NECTIN1: variants seen among roughly 807,000 people sequenced by gnomAD.
NECTIN1 encodes nectin cell adhesion molecule 1.
Under a neutral mutation model 48.0 loss-of-function variants are expected in NECTIN1, and 23 were observed. The observed-to-expected ratio is 0.48, with a 90% CI of 0.34 to 0.68. The LOEUF (loss-of-function observed/expected upper bound fraction) is 0.68, where lower values mean the gene tolerates loss of function less well. NECTIN1 is among the 30% of genes least tolerant of loss of function. The pLI is 0.01. For missense variants in NECTIN1, 591 were observed against 709.9 expected, an observed-to-expected ratio of 0.83 and a Z score of 1.90; for synonymous variants, 270 against 288.9, an observed-to-expected ratio of 0.93 and a Z score of 0.66.
chr11:119,657,343 C>T (rs142053212), downstream of NECTIN1, among the ~76,000 whole-genome samples: 917 of 152,186 alleles, frequency 6.0e-3, 18 homozygotes, highest in Non-Finnish European at 5.0e-3. Flanking sequence ...GGGCCAGGTG[C>T]GGTGACTTAT....
Position 119,661,750 on chromosome 11 carries a change from C to T in NECTIN1, c.*2997G>A, listed in dbSNP as rs987494453. On this transcript the variant is annotated 3_prime_UTR_variant, in exon 6 of 6. Transcript: ENST00000264025. ...CTTGCAGCCCGGGCACTGGGAAATT[C>T]GTTTCTCCTTAATGGCTTTCAGCAG... 10 of 985,576 alleles carry T rather than the reference C, an allele frequency of 1.0e-5. No individual in the cohort carries two copies. In the Admixed American group the frequency reaches 1.8e-4, roughly 18 times the overall value. 61.1% of individuals were successfully genotyped at this position (985,576 alleles called of 1,614,324 possible). A position where few individuals can be genotyped will look rare whatever the true frequency, so the allele number is the denominator to read the frequency against.
chr11:119,713,360 G>A (rs994169978), intron 1 of NECTIN1, among the ~76,000 whole-genome samples: 3 of 152,072 alleles, frequency 2.0e-5, no homozygotes, highest in African/African-American at 4.8e-5. Flanking sequence ...GTTGTGGGGT[G>A]GAAGGAGAAG....
At chr11:119,658,590 C>T (rs1046682355), downstream of NECTIN1, among the ~76,000 whole-genome samples, 1 of 152,168 alleles carries the variant, frequency 6.6e-6, no homozygotes, top group African/African-American at 2.4e-5. Context: ...AACTTTCCCA[C>T]CCAATCCATG....
chr11:119,676,616 G>A (rs1048323254), intron 4 of NECTIN1, among the ~76,000 whole-genome samples: 3 of 152,248 alleles, frequency 2.0e-5, no homozygotes, highest in East Asian at 3.9e-4. Flanking sequence ...ATGGTGGGCC[G>A]CAGGGCACGT....
Position 119,638,651 on chromosome 11 carries a change from G to T in NECTIN1, c.1227+80C>A. On this transcript the variant is annotated intron_variant, in intron 7 of 7. Coordinates refer to the NECTIN1 transcript ENST00000341398. ...GCGTGGCGGCTCTGTCTTCAGCTTGGGCTCTCTCCTTGGGGCCATCTCCCA... is the reference window on the plus strand; with the variant it reads ...GCGTGGCGGCTCTGTCTTCAGCTTGTGCTCTCTCCTTGGGGCCATCTCCCA... 2.3e-6 allele frequency: 3 copies of T among 1,301,384 alleles called. No individual in the cohort carries two copies. The South Asian group carries it at 3.8e-5, about 16-fold the overall frequency. 80.6% of individuals were successfully genotyped at this position (1,301,384 alleles called of 1,614,324 possible). A position where few individuals can be genotyped will look rare whatever the true frequency, so the allele number is the denominator to read the frequency against.
intron 1 of NECTIN1, among the ~76,000 whole-genome samples, chr11:119,688,093 T>C (rs1865191138): frequency 6.6e-6 from 1 of 152,168 alleles, no homozygotes; most frequent in Non-Finnish European, 1.5e-5. Context: ...TGGGTTTGTG[T>C]CTGCTGCTTT....
intron 1 of NECTIN1, among the ~76,000 whole-genome samples, chr11:119,693,592 G>A (rs1260580934): frequency 6.6e-6 from 1 of 152,150 alleles, no homozygotes; most frequent in Non-Finnish European, 1.5e-5. Flanking sequence ...TGAAGCCCAG[G>A]AAGTGGCAGC....
intron 5 of NECTIN1, among the ~76,000 whole-genome samples, chr11:119,645,786 C>G (rs1310421037): frequency 6.6e-6 from 1 of 152,194 alleles, no homozygotes; most frequent in Non-Finnish European, 1.5e-5. Context: ...AGGGGACATA[C>G]CCCTCTCCTC....
intron 1 of NECTIN1, among the ~76,000 whole-genome samples, chr11:119,689,069 C>T (rs895078385): frequency 6.6e-6 from 1 of 152,092 alleles, no homozygotes; most frequent in South Asian, 2.1e-4. Flanking sequence ...CGTCTTCCTT[C>T]GGCTGGTAAA....
chr11:119,722,681 G>A lies in NECTIN1; in HGVS notation c.79+5794C>T, dbSNP rs140858613. ...ATTACCCACAGGCAGCCAGGCTCCCGAGTGGGGGCAGGGACTCGCTTCCCA... is the reference window on the plus strand; with the variant it reads ...ATTACCCACAGGCAGCCAGGCTCCCAAGTGGGGGCAGGGACTCGCTTCCCA... On this transcript the variant is annotated intron_variant, in intron 1 of 5. Coordinates refer to ENST00000264025, the MANE Select transcript of NECTIN1 (RefSeq NM_002855.5). Among the ~76,000 whole-genome samples the A allele has an allele frequency of 2.3e-3, 349 of 152,330 alleles. 4 individuals carry two copies. Among genetic ancestry groups the A allele is most frequent in the African/African-American group, 8.0e-3 (333 of 41,572 alleles).
intron 1 of NECTIN1, among the ~76,000 whole-genome samples, chr11:119,728,148 G>C (rs529427162): frequency 6.6e-6 from 1 of 152,250 alleles, no homozygotes; most frequent in South Asian, 2.1e-4. Flanking sequence ...GTAACACGCA[G>C]TGTTTCCAAA....
downstream of NECTIN1, among the ~76,000 whole-genome samples, chr11:119,657,262 G>A (rs148622589): frequency 8.9e-3 from 1,350 of 152,142 alleles, 16 homozygotes; most frequent in African/African-American, 0.03. Context: ...CTGACACCTG[G>A]GGCGGCCTCT....
intron 1 of NECTIN1, among the ~76,000 whole-genome samples, chr11:119,700,648 G>A (rs773961485): frequency 1.3e-5 from 2 of 152,210 alleles, no homozygotes; most frequent in Non-Finnish European, 2.9e-5. Flanking sequence ...GTAGCTCAGC[G>A]GAAATGAAAC....
At chr11:119,639,184 A>G (rs1056722673) in intron 6 of NECTIN1, among the ~76,000 whole-genome samples, 2 of 152,212 alleles carry the variant, frequency 1.3e-5, no homozygotes, top group African/African-American at 4.8e-5. Flanking sequence ...AGCCTTAGCC[A>G]GCACGGGAAA....
rs1296868929 is a variant in NECTIN1, at chr11:119,672,847, C to T, written c.1003+2312G>A. Among the ~76,000 whole-genome samples, 3 of 152,200 alleles carry T rather than the reference C, an allele frequency of 2.0e-5. 1 individual carries two copies. The highest frequency in any genetic ancestry group is 2.0e-4 in the Admixed American group (3 of 15,280). On this transcript the variant is annotated intron_variant, in intron 5 of 5. Coordinates refer to ENST00000264025, the MANE Select transcript of NECTIN1 (RefSeq NM_002855.5). This position sits in a 1 kb window ranked among gnomAD's most constrained non-coding sequence, Gnocchi z 4.3. ...GTGCTCCTTCCTCAGGGGCCCAGGT[C>T]CCCAAGAAGCCATGCCAAAGCGAGT...
chr11:119,666,156 G>A (rs371542713), intron 5 of NECTIN1, among the ~76,000 whole-genome samples: 2 of 152,226 alleles, frequency 1.3e-5, no homozygotes, highest in South Asian at 2.1e-4. Flanking sequence ...AAGCATGTGC[G>A]TGTGTGCGTG....
At chr11:119,657,005 G>A (rs1394078773), downstream of NECTIN1, among the ~76,000 whole-genome samples, 1 of 152,148 alleles carries the variant, frequency 6.6e-6, no homozygotes, top group African/African-American at 2.4e-5. Flanking sequence ...CCTGCTTCAC[G>A]AGGATTACGG....
In NECTIN1 at chr11:119,709,620, G is replaced by A. The variant is rs955821616; in HGVS notation, c.79+18855C>T. ...GGAAGCAGGGAGGGAGGGGAGCCCC[G>A]TGTGGGAAGCCTGAAAGGAGCCTGG... On this transcript the variant is annotated intron_variant, in intron 1 of 5. Transcript: ENST00000264025. This position sits in a 1 kb window ranked among gnomAD's most constrained non-coding sequence, Gnocchi z 4.1. 6.6e-6 allele frequency among the ~76,000 whole-genome samples: 1 copy of A among 152,100 alleles called. No individual in the cohort carries two copies. The highest frequency in any genetic ancestry group is 2.1e-4 in the South Asian group (1 of 4,818).
At chr11:119,644,128 C>T (rs1002367791) in intron 5 of NECTIN1, among the ~76,000 whole-genome samples, 1 of 152,224 alleles carries the variant, frequency 6.6e-6, no homozygotes. Context: ...GGGGGTCACA[C>T]CAGTGACACT....
Sources: allele counts gnomAD v4.1 joint callset (sites outside exome capture counted in the v4.1 genomes callset), GRCh38; gene constraint gnomAD v4.1.1; non-coding constraint Gnocchi (gnomAD v3.1); transcripts MANE v1.5; gene names NCBI Gene and HGNC (gene_info 2026-07-23, HGNC 2026-07-21).